ATP13A4: variants seen among roughly 807,000 people sequenced by gnomAD.
ATP13A4 encodes ATPase 13A4.
Under a neutral mutation model 142.5 loss-of-function variants are expected in ATP13A4, and 114 were observed. That is an observed-to-expected ratio of 0.80 (90% CI 0.69 to 0.93). ATP13A4 has a LOEUF of 0.93. Among genes scored for constraint, ATP13A4 ranks in the 40% least tolerant of loss-of-function variants. ATP13A4 has a pLI of 0.00. For missense variants in ATP13A4, 1,392 were observed against 1,454.0 expected, an observed-to-expected ratio of 0.96 and a Z score of 0.69; for synonymous variants, 488 against 514.8, an observed-to-expected ratio of 0.95 and a Z score of 0.70.
chr3:193,491,506 ACC>A, intron 5 of ATP13A4, 108 bp from the exon 6 acceptor site: 1 of 839,228 alleles, frequency 1.2e-6, no homozygotes, highest in Non-Finnish European at 2.0e-6. Flanking sequence ...CACTTGTGAG[ACC>A]AACATAAGTC....
At chr3:193,535,710 T>C (rs753203725) in intron 1 of ATP13A4, among the ~76,000 whole-genome samples, 6 of 151,646 alleles carry the variant, frequency 4.0e-5, no homozygotes, top group Non-Finnish European at 8.8e-5. Flanking sequence ...AAATTGTGAA[T>C]AGAAAATCAA....
intron 2 of ATP13A4, among the ~76,000 whole-genome samples, chr3:193,566,320 A>G (rs1453216730): frequency 6.6e-6 from 1 of 152,072 alleles, no homozygotes; most frequent in Non-Finnish European, 1.5e-5. Flanking sequence ...AGCCCCTATG[A>G]TAGAACAGAT....
chr3:193,574,674 C>G (rs1577086622), intron 2 of ATP13A4, among the ~76,000 whole-genome samples: 1 of 152,134 alleles, frequency 6.6e-6, no homozygotes, highest in East Asian at 1.9e-4. Context: ...CAAGATTACA[C>G]CACTGCATTC....
At chr3:193,542,913 C>T (rs1723013276) in intron 1 of ATP13A4, among the ~76,000 whole-genome samples, 1 of 152,120 alleles carries the variant, frequency 6.6e-6, no homozygotes, top group South Asian at 2.1e-4. Flanking sequence ...CGCCTGTAAT[C>T]CCAGCACTTT....
chr3:193,586,196 T>C (rs80216233), intron 1 of ATP13A4, among the ~76,000 whole-genome samples: 4,910 of 152,260 alleles, frequency 0.032, 94 homozygotes, highest in African/African-American at 0.042. Flanking sequence ...CATCTTAGTA[T>C]TGAATTATAA....
intron 1 of ATP13A4, among the ~76,000 whole-genome samples, chr3:193,582,634 C>A (rs56401314): frequency 3.5e-4 from 16 of 45,784 alleles, no homozygotes; most frequent in African/African-American, 1.8e-3. Context: ...ATATTACATA[C>A]ATTATATATG....
chr3:193,566,614 C>T (rs1159718021), intron 2 of ATP13A4, among the ~76,000 whole-genome samples: 2 of 152,164 alleles, frequency 1.3e-5, no homozygotes, highest in Admixed American at 6.5e-5. Flanking sequence ...GGAGCATGAG[C>T]CCTGGTCACA....
chr3:193,540,280 T>G (rs1440772051), intron 1 of ATP13A4, among the ~76,000 whole-genome samples: 1 of 152,042 alleles, frequency 6.6e-6, no homozygotes, highest in African/African-American at 2.4e-5. Context: ...TGGAAATTCC[T>G]TGAAGAAAGA....
chr3:193,514,057 T>C (rs530319035), intron 2 of ATP13A4, among the ~76,000 whole-genome samples: 5 of 152,384 alleles, frequency 3.3e-5, no homozygotes, highest in African/African-American at 1.2e-4. Flanking sequence ...ATCGCTCTTC[T>C]TGATCAAACC....
Position 193,454,168 on chromosome 3 carries a change from C to T in ATP13A4, c.1960G>A (p.Gly654Ser). The stretch of plus-strand genomic sequence containing the variant: ...TAGGCCAGTGCTATGACTCGGAAGC[C>T]CTGTGTCGTGTAAATCTGAAGTTCG... Reference protein sequence around the residue: ...VSELQIYTTQGFRVIALAYKK... With the variant: ...VSELQIYTTQSFRVIALAYKK... Residue 654 changes from glycine to serine, a missense_variant, in exon 17 of 30, where the codon GGC (glycine) becomes AGC (serine). Physicochemically the swap from Gly to Ser is moderately conservative, Grantham distance 56. Coordinates refer to ENST00000342695, the MANE Select transcript of ATP13A4 (RefSeq NM_032279.4). 1 of 1,614,088 alleles carries T rather than the reference C, an allele frequency of 6.2e-7. No homozygotes were observed. Among genetic ancestry groups the T allele is most frequent in the Middle Eastern group, 1.7e-4 (1 of 6,060 alleles).
chr3:193,525,495 A>G (rs182424102), intron 1 of ATP13A4, among the ~76,000 whole-genome samples: 1 of 152,342 alleles, frequency 6.6e-6, no homozygotes, highest in Non-Finnish European at 1.5e-5. Context: ...TGAAAAATCT[A>G]TTATGAACTA....
At chr3:193,445,357 A>G (rs1283105949) in intron 18 of ATP13A4, among the ~76,000 whole-genome samples, 1 of 152,010 alleles carries the variant, frequency 6.6e-6, no homozygotes, top group African/African-American at 2.4e-5. Context: ...AATCACTTGA[A>G]CCCAGGAGGC....
intron 18 of ATP13A4, among the ~76,000 whole-genome samples, chr3:193,444,008 G>GA (rs201230600): frequency 3.0e-4 from 45 of 150,244 alleles, no homozygotes; most frequent in African/African-American, 8.8e-4. Context: ...GGTTGAAAAA[G>GA]AAAAAAAAAT....
intron 1 of ATP13A4, among the ~76,000 whole-genome samples, chr3:193,586,520 G>A (rs539026838): frequency 6.6e-6 from 1 of 152,274 alleles, no homozygotes; most frequent in East Asian, 1.9e-4. Flanking sequence ...CTAATTTAGT[G>A]TATGGTATAA....
chr3:193,592,224 T>C (rs950352989), intron 1 of ATP13A4, among the ~76,000 whole-genome samples: 4 of 152,104 alleles, frequency 2.6e-5, no homozygotes, highest in East Asian at 1.9e-4. Context: ...TCCCTAAAAA[T>C]TGGCTTCATA....
chr3:193,574,609 G>T (rs1339009483), intron 2 of ATP13A4, among the ~76,000 whole-genome samples: 3 of 152,118 alleles, frequency 2.0e-5, no homozygotes, highest in South Asian at 2.1e-4. Flanking sequence ...CTAGCTACTT[G>T]CGAGGCTGAG....
intron 1 of ATP13A4, among the ~76,000 whole-genome samples, chr3:193,531,280 GAGGGAGGGAGGGAGGGAGGA>G (rs1310019323): frequency 4.6e-5 from 5 of 109,438 alleles, no homozygotes; most frequent in African/African-American, 1.4e-4. Context: ...GTGAGGGAGG[GAGGGAGGGAGGGAGGGAGGA>G]AGGAAGGAAG....
At chr3:193,414,867 T>A (rs1714974571) in intron 25 of ATP13A4, 117 bp from the exon 26 acceptor site, 1 of 957,854 alleles carries the variant, frequency 1.0e-6, no homozygotes, top group Non-Finnish European at 1.6e-6. Flanking sequence ...CTGGAGTACA[T>A]CACAAACTGA....
At chr3:193,552,751 G>A (rs1222407177) in intron 1 of ATP13A4, among the ~76,000 whole-genome samples, 2 of 152,280 alleles carry the variant, frequency 1.3e-5, no homozygotes, top group East Asian at 1.9e-4. Flanking sequence ...TAACCTGTGC[G>A]GTGCCTCAGC....
Sources: allele counts gnomAD v4.1 joint callset (sites outside exome capture counted in the v4.1 genomes callset), GRCh38; gene constraint gnomAD v4.1.1; transcripts MANE v1.5; gene names NCBI Gene and HGNC (gene_info 2026-07-23, HGNC 2026-07-21).